Variants in CNTLN observed in about 807,000 individuals in gnomAD.
CNTLN encodes the protein centlein, centrosomal protein.
In CNTLN, 212 loss-of-function variants were observed where a neutral mutation model predicts 180.0. That is an observed-to-expected ratio of 1.18 (90% confidence interval 1.05 to 1.32). CNTLN has a LOEUF of 1.32. Ranked by LOEUF, CNTLN falls within the 40% of genes most tolerant of loss-of-function variation. The pLI is 0.00. For missense variants in CNTLN, 2,095 were observed against 1,610.9 expected (o/e 1.30, Z -5.14); for synonymous variants, 722 against 563.1 (o/e 1.28, Z -3.99).
At chr9:17,194,760 T>G (rs1216983873) in intron 2 of CNTLN, among the ~76,000 whole-genome samples, 1 of 152,200 alleles carries the variant, frequency 6.6e-6, no homozygotes, top group Non-Finnish European at 1.5e-5. Context: ...ACCAATATAC[T>G]ATATTATCTG....
At chr9:17,410,172 A>G (rs1827731218) in intron 16 of CNTLN, among the ~76,000 whole-genome samples, 1 of 152,134 alleles carries the variant, frequency 6.6e-6, no homozygotes, top group Admixed American at 6.5e-5. Context: ...TTGATTGATA[A>G]ATAGATTTTA....
intron 5 of CNTLN, among the ~76,000 whole-genome samples, chr9:17,266,468 A>C (rs1200343352): frequency 3.3e-5 from 5 of 152,058 alleles, no homozygotes; most frequent in Non-Finnish European, 5.9e-5. Context: ...GTATGTGGTC[A>C]ATTTTGGAAT....
At chr9:17,353,140 G>A (rs1822517077) in intron 12 of CNTLN, among the ~76,000 whole-genome samples, 1 of 152,102 alleles carries the variant, frequency 6.6e-6, no homozygotes, top group Non-Finnish European at 1.5e-5. Flanking sequence ...ATTTTTTGTA[G>A]GGTCGGGGTC....
intron 6 of CNTLN, among the ~76,000 whole-genome samples, chr9:17,277,462 T>A (rs1828383515): frequency 6.6e-6 from 1 of 152,058 alleles, no homozygotes; most frequent in East Asian, 1.9e-4. Context: ...CTTTGGAGAA[T>A]GATAAAATAA....
chr9:17,359,543 C>T (rs1358271920), intron 12 of CNTLN, among the ~76,000 whole-genome samples: 1 of 150,996 alleles, frequency 6.6e-6, no homozygotes, highest in Non-Finnish European at 1.5e-5. Flanking sequence ...GGACAGTCAA[C>T]CCAATAGAAA....
chr9:17,514,352 C>A, the CNTLN span, among the ~76,000 whole-genome samples: 1 of 152,010 alleles, frequency 6.6e-6, no homozygotes, highest in Admixed American at 6.6e-5. Context: ...TAAACCGTGA[C>A]ACATAACAGA....
intron 5 of CNTLN, among the ~76,000 whole-genome samples, chr9:17,256,729 G>A (rs964712714): frequency 9.2e-5 from 14 of 151,860 alleles, no homozygotes; most frequent in Admixed American, 8.6e-4. Flanking sequence ...ACAAAATGTC[G>A]TTTAAAAGTT....
intron 2 of CNTLN, among the ~76,000 whole-genome samples, chr9:17,214,828 C>A (rs535698362): frequency 5.9e-4 from 90 of 152,348 alleles, no homozygotes; most frequent in Non-Finnish European, 1.2e-3. Flanking sequence ...GATACCCTTT[C>A]TTCCAGTTGA....
At chr9:17,234,687 A>T (rs751248204) in intron 3 of CNTLN, among the ~76,000 whole-genome samples, 2 of 152,006 alleles carry the variant, frequency 1.3e-5, no homozygotes, top group South Asian at 2.1e-4. Flanking sequence ...TAAAAAAAAA[A>T]GGTGTTTCTA....
chr9:17,454,441 T>TG (rs1248638178), intron 18 of CNTLN, among the ~76,000 whole-genome samples: 6 of 152,224 alleles, frequency 3.9e-5, no homozygotes, highest in African/African-American at 1.2e-4. Context: ...TCAATACCTG[T>TG]GTAGTAGTGT....
At chr9:17,321,041 T>G (rs10963030) in intron 8 of CNTLN, among the ~76,000 whole-genome samples, 36,623 of 152,112 alleles carry the variant, frequency 0.24, 4,591 homozygotes, top group South Asian at 0.37. Flanking sequence ...CAAAACAAAT[T>G]TATTCCTTTA....
At chr9:17,479,958 C>T (rs1564140881) in intron 23 of CNTLN, among the ~76,000 whole-genome samples, 1 of 152,094 alleles carries the variant, frequency 6.6e-6, no homozygotes, top group Non-Finnish European at 1.5e-5. Flanking sequence ...CCACAAGAGC[C>T]AGTTTTGGGT....
At chr9:17,182,408 C>T (rs973087276) in intron 2 of CNTLN, among the ~76,000 whole-genome samples, 38 of 152,030 alleles carry the variant, frequency 2.5e-4, no homozygotes, top group African/African-American at 8.9e-4. Flanking sequence ...GTCCCAAGGT[C>T]TCTAGTCAAT....
At chr9:17,212,799 AG>A (rs1823425879) in intron 2 of CNTLN, among the ~76,000 whole-genome samples, 2 of 152,212 alleles carry the variant, frequency 1.3e-5, no homozygotes. Context: ...GTATGTGTCC[AG>A]GAATTTATCC....
intron 6 of CNTLN, among the ~76,000 whole-genome samples, chr9:17,291,444 G>T (rs1163207159): frequency 5.9e-5 from 9 of 152,180 alleles, no homozygotes; most frequent in Non-Finnish European, 2.9e-5. Flanking sequence ...GAGTCTAAGT[G>T]TCTTTGTAGG....
intron 2 of CNTLN, among the ~76,000 whole-genome samples, chr9:17,155,635 G>A (rs1472855885): frequency 2.0e-5 from 3 of 152,134 alleles, no homozygotes; most frequent in South Asian, 2.1e-4. Context: ...TGTCCCAGGT[G>A]GATCTCAGAT....
intron 13 of CNTLN, among the ~76,000 whole-genome samples, chr9:17,367,178 T>G (rs56938637): frequency 0.016 from 2,498 of 152,292 alleles, 74 homozygotes; most frequent in African/African-American, 0.057. Flanking sequence ...GAGAGAATTG[T>G]GCACTTAGGG....
chr9:17,135,099 TC>T lies in CNTLN; in HGVS notation c.35del (p.Ser12CysfsTer78), dbSNP rs748459942. The stretch of plus-strand genomic sequence containing the variant: ...GCGTTCGCCTCCCTCACCGCACCCT[TC>T]GCCCCCAGCGCGACAGCTGGGCCCC... ...AARSPPSPHP[S>X]PPARQLGPRS... On this transcript the variant is annotated frameshift_variant, in exon 1 of 26. Coordinates refer to ENST00000380647, the MANE Select transcript of CNTLN (RefSeq NM_017738.4). LOFTEE classifies it high-confidence loss of function. The T allele has an allele frequency of 2.5e-6, 4 of 1,605,118 alleles. No individual in the cohort carries two copies.
At chr9:17,197,190 T>A (rs1237651518) in intron 2 of CNTLN, among the ~76,000 whole-genome samples, 1 of 152,356 alleles carries the variant, frequency 6.6e-6, no homozygotes, top group East Asian at 1.9e-4. Flanking sequence ...TCAGTCAGTA[T>A]ATGGAAAATG....
Sources: allele counts gnomAD v4.1 joint callset (sites outside exome capture counted in the v4.1 genomes callset), GRCh38; gene constraint gnomAD v4.1.1; transcripts MANE v1.5; gene names NCBI Gene and HGNC (gene_info 2026-07-23, HGNC 2026-07-21).